Variants in PCMT1 observed in about 807,000 individuals in gnomAD.
PCMT1 encodes protein-L-isoaspartate(D-aspartate) O-methyltransferase.
PCMT1 carries 9 observed loss-of-function variants against 29.2 expected under a neutral mutation model. That is an observed-to-expected ratio of 0.31 (90% CI 0.19 to 0.54). The LOEUF (loss-of-function observed/expected upper bound fraction) is 0.54. Among genes scored for constraint, PCMT1 ranks in the 20% least tolerant of loss-of-function variants. The probability of loss-of-function intolerance (pLI) is 0.95; values close to 1 mark genes in which losing one functional copy is unlikely to be tolerated. For synonymous variants in PCMT1, 98 were observed against 97.5 expected (o/e 1.00, Z -0.03); for missense variants, 184 against 282.2 (o/e 0.65, Z 2.49).
At chr6:149,756,503 C>G (rs1786509750) in intron 1 of PCMT1, among the ~76,000 whole-genome samples, 1 of 142,854 alleles carries the variant, frequency 7.0e-6, no homozygotes, top group Admixed American at 7.3e-5. Context: ...TGCACACCAC[C>G]ATGACTGGCT....
At chr6:149,754,109 A>G (rs1786429560) in intron 1 of PCMT1, among the ~76,000 whole-genome samples, 1 of 152,236 alleles carries the variant, frequency 6.6e-6, no homozygotes, top group South Asian at 2.1e-4. Context: ...GTCTTGCCCT[A>G]TAGAGTGCTT....
At chr6:149,754,268 T>C (rs1474040503) in intron 1 of PCMT1, among the ~76,000 whole-genome samples, 2 of 152,218 alleles carry the variant, frequency 1.3e-5, no homozygotes, top group African/African-American at 4.8e-5. Context: ...GTTACCATAT[T>C]GGACAGCACA....
intron 7 of PCMT1, among the ~76,000 whole-genome samples, chr6:149,803,069 A>C (rs1488892253): frequency 6.6e-5 from 10 of 150,446 alleles, no homozygotes; most frequent in East Asian, 1.9e-4. Flanking sequence ...AAAAAAAAAA[A>C]AAAAAAAAAA....
At chr6:149,777,305 TG>T (rs1484992554) in intron 3 of PCMT1, among the ~76,000 whole-genome samples, 81 of 152,330 alleles carry the variant, frequency 5.3e-4, no homozygotes, top group African/African-American at 1.9e-3. Flanking sequence ...AATATTGTAC[TG>T]AAAGTGGAAA....
intron 7 of PCMT1, among the ~76,000 whole-genome samples, chr6:149,809,099 A>T (rs1187555016): frequency 2.0e-5 from 3 of 150,212 alleles, no homozygotes; most frequent in African/African-American, 7.3e-5. Context: ...TACTAATAAT[A>T]CAAAAAAAAT....
intron 1 of PCMT1, among the ~76,000 whole-genome samples, chr6:149,761,277 G>A (rs201307585): frequency 7.0e-6 from 1 of 143,712 alleles, no homozygotes; most frequent in Non-Finnish European, 1.5e-5. Flanking sequence ...GTGTGTGTGT[G>A]TGTACATATA....
Position 149,810,737 on chromosome 6 carries a change from T to C in PCMT1, c.*159T>C. 1.3e-6 allele frequency: 1 copy of C among 785,292 alleles called. No homozygotes were observed. Among genetic ancestry groups the C allele is most frequent in the Non-Finnish European group, 2.0e-6 (1 of 491,588 alleles). 48.6% of individuals were successfully genotyped at this position (785,292 alleles called of 1,614,324 possible). On this transcript the variant is annotated 3_prime_UTR_variant, in exon 8 of 8. Transcript: ENST00000464889. ...CAGCTTGTTTTGGACTTTGTTACAC[T>C]GTTATTTTCAGCATGAAAATGTGTG...
chr6:149,784,590 G>T lies in PCMT1; in HGVS notation c.193-5364G>T, dbSNP rs866757992. On this transcript the variant is annotated intron_variant, in intron 3 of 7. Transcript: ENST00000464889. ...AATCATCCTCTCACCTCAGCCTCTCGAGTAGCTGGGACTACAGGTGTGCAC... is the reference window on the plus strand; with the variant it reads ...AATCATCCTCTCACCTCAGCCTCTCTAGTAGCTGGGACTACAGGTGTGCAC... Among the ~76,000 whole-genome samples, 4 of 151,282 alleles carry T rather than the reference G, an allele frequency of 2.6e-5. No homozygotes were observed. In the Admixed American group the frequency reaches 2.6e-4, roughly 10 times the overall value.
At chr6:149,784,109 T>C (rs1382230559) in intron 3 of PCMT1, among the ~76,000 whole-genome samples, 1 of 152,116 alleles carries the variant, frequency 6.6e-6, no homozygotes, top group African/African-American at 2.4e-5. Context: ...TTGAATATAT[T>C]GGGGGAAAAA....
chr6:149,790,072 T>A lies in PCMT1; in HGVS notation c.297+14T>A. 1 of 1,453,768 alleles carries A rather than the reference T, an allele frequency of 6.9e-7. No individual in the cohort carries two copies. The highest frequency in any genetic ancestry group is 9.6e-7 in the Non-Finnish European group (1 of 1,044,218). The allele number at this position is 1,453,768 out of a possible 1,614,324, so 90.1% of individuals were successfully genotyped here. A position where few individuals can be genotyped will look rare whatever the true frequency, so the allele number is the denominator to read the frequency against. ...TTTGCACGTATGGTAAGAGTTTTAT[T>A]TCTCACTCTGGCCCCAACAGAAGAA... is the stretch of plus-strand genomic sequence containing the variant. On this transcript the variant is annotated intron_variant, in intron 4 of 7. Transcript: ENST00000464889.
chr6:149,764,780 G>A (rs910384046), intron 1 of PCMT1, among the ~76,000 whole-genome samples: 1 of 151,418 alleles, frequency 6.6e-6, no homozygotes, highest in Non-Finnish European at 1.5e-5. Context: ...GTGGCTGAAC[G>A]CCTTTAATCC....
intron 3 of PCMT1, among the ~76,000 whole-genome samples, chr6:149,781,463 G>C (rs1787812267): frequency 6.6e-6 from 1 of 152,056 alleles, no homozygotes; most frequent in African/African-American, 2.4e-5. Flanking sequence ...CTGACCTCGT[G>C]ATCCGCCCAC....
rs1787306700 is a variant in PCMT1 at position 149,771,172 on chromosome 6, C to A, written c.66C>A (p.Ile22=). Residue 22 remains isoleucine, a synonymous_variant, in exon 2 of 8, where the codon ATC becomes ATA. Coordinates refer to ENST00000464889, the MANE Select transcript of PCMT1 (RefSeq NM_001360452.2). The part of the protein sequence containing the change: ...ELIHNLRKNG[I]IKTDKVFEVM... ...CCTCACTTGTTTCAGAAAATGGAAT[C>A]ATCAAGACAGATAAAGTATTTGAAG... 1 of 1,604,764 alleles carries A rather than the reference C, an allele frequency of 6.2e-7. No individual in the cohort carries two copies.
At chr6:149,785,776 G>A (rs1788012836) in intron 3 of PCMT1, among the ~76,000 whole-genome samples, 1 of 152,054 alleles carries the variant, frequency 6.6e-6, no homozygotes, top group South Asian at 2.1e-4. Context: ...TCTTAGTACA[G>A]AACAAAATGA....
chr6:149,781,313 G>A (rs1205144703), intron 3 of PCMT1, among the ~76,000 whole-genome samples: 5 of 148,356 alleles, frequency 3.4e-5, no homozygotes, highest in African/African-American at 9.9e-5. Context: ...TGCAACCTCC[G>A]CCTCCCAGGT....
At chr6:149,809,988 A>G (rs1438537523) in intron 7 of PCMT1, 2 of 152,178 alleles carry the variant, frequency 1.3e-5, no homozygotes, top group Non-Finnish European at 2.9e-5. Flanking sequence ...TAACTGAGAT[A>G]CCATACAGTT....
intron 6 of PCMT1, among the ~76,000 whole-genome samples, chr6:149,798,353 T>C (rs1401098606): frequency 6.6e-6 from 1 of 152,130 alleles, no homozygotes; most frequent in Non-Finnish European, 1.5e-5. Context: ...AAATCTGAAA[T>C]AGAACTGTGC....
At chr6:149,777,764 A>G (rs188215150) in intron 3 of PCMT1, among the ~76,000 whole-genome samples, 4 of 150,562 alleles carry the variant, frequency 2.7e-5, no homozygotes, top group African/African-American at 7.3e-5. Flanking sequence ...TCTGTTATCA[A>G]TTCCTTCCTT....
At chr6:149,768,900 T>A (rs1202595139) in intron 1 of PCMT1, among the ~76,000 whole-genome samples, 6 of 152,146 alleles carry the variant, frequency 3.9e-5, no homozygotes, top group Admixed American at 6.5e-5. Context: ...GTGCTAGGAT[T>A]ACGGACGTTA....
Sources: allele counts gnomAD v4.1 joint callset (sites outside exome capture counted in the v4.1 genomes callset), GRCh38; gene constraint gnomAD v4.1.1; transcripts MANE v1.5; gene names NCBI Gene and HGNC (gene_info 2026-07-23, HGNC 2026-07-21).